CACNA2D1: variants seen among roughly 807,000 people sequenced by gnomAD.
CACNA2D1 encodes voltage-dependent calcium channel subunit alpha-2/delta-1.
In CACNA2D1, 53 loss-of-function variants were observed where a neutral mutation model predicts 171.5. That is an observed-to-expected ratio of 0.31 (90% CI 0.25 to 0.39). The LOEUF (loss-of-function observed/expected upper bound fraction) is 0.39, where lower values mean the gene tolerates loss of function less well. Ranked by LOEUF, CACNA2D1 falls within the 10% of genes least tolerant of loss-of-function variation. The pLI, the probability that CACNA2D1 is intolerant of heterozygous loss-of-function variation, is 1.00. For missense variants in CACNA2D1, 903 were observed against 1,299.8 expected, an observed-to-expected ratio of 0.69 and a Z score of 4.69; for synonymous variants, 442 against 443.1, an observed-to-expected ratio of 1.00 and a Z score of 0.03.
At chr7:82,222,911 T>TTTTG (rs1801943821) in intron 3 of CACNA2D1, among the ~76,000 whole-genome samples, 1 of 148,260 alleles carries the variant, frequency 6.7e-6, no homozygotes, top group African/African-American at 2.5e-5. Flanking sequence ...TTTTTTTTTT[T>TTTTG]GTTTGTTTGT....
intron 3 of CACNA2D1, among the ~76,000 whole-genome samples, chr7:82,177,453 A>G (rs1419675886): frequency 6.6e-6 from 1 of 152,146 alleles, no homozygotes; most frequent in Non-Finnish European, 1.5e-5. Flanking sequence ...TTATCTAAGA[A>G]GAAACCCATC....
intron 25 of CACNA2D1, among the ~76,000 whole-genome samples, chr7:81,973,891 T>C (rs1795559036): frequency 6.6e-6 from 1 of 152,000 alleles, no homozygotes; most frequent in Non-Finnish European, 1.5e-5. Context: ...AAAAACTAAT[T>C]ACTAATTTTC....
chr7:82,042,429 G>A (rs1804077793), intron 10 of CACNA2D1, among the ~76,000 whole-genome samples: 1 of 152,118 alleles, frequency 6.6e-6, no homozygotes, highest in Admixed American at 6.5e-5. Flanking sequence ...AGAGATTGAA[G>A]GAGCTCTGAT....
chr7:82,227,527 C>G (rs1802485311), intron 3 of CACNA2D1, among the ~76,000 whole-genome samples: 1 of 152,088 alleles, frequency 6.6e-6, no homozygotes, highest in Non-Finnish European at 1.5e-5. Flanking sequence ...GTAATAGTGA[C>G]TAGTTTGGAT....
In CACNA2D1 at chr7:81,994,834, TTTTA is replaced by T. The variant is rs1208950112; in HGVS notation, c.1734+30_1734+33del. On this transcript the variant is annotated intron_variant, in intron 20 of 38. Transcript: ENST00000356860. ...CAATATCAATTATTCTTGATATAAT[TTTTA>T]TTTAAGAATAAGCTAGAATCAATTC... 4.8e-6 allele frequency: 5 copies of T among 1,052,132 alleles called. No individual in the cohort carries two copies. The African/African-American group carries it at 7.9e-5, about 17-fold the overall frequency. 65.2% of individuals were successfully genotyped at this position (1,052,132 alleles called of 1,614,324 possible). A position where few individuals can be genotyped will look rare whatever the true frequency, so the allele number is the denominator to read the frequency against.
intron 1 of CACNA2D1, among the ~76,000 whole-genome samples, chr7:82,388,837 C>T (rs191586626): frequency 1.3e-5 from 2 of 151,946 alleles, no homozygotes; most frequent in Admixed American, 6.6e-5. Flanking sequence ...TAAGGTAGGC[C>T]GGGCACGGTG....
At chr7:82,411,291 G>C (rs1827621175) in intron 1 of CACNA2D1, among the ~76,000 whole-genome samples, 1 of 152,176 alleles carries the variant, frequency 6.6e-6, no homozygotes, top group Admixed American at 6.5e-5. Flanking sequence ...CTGAGTTATA[G>C]CCCTGCCCCA....
chr7:82,181,392 T>A (rs964042835), intron 3 of CACNA2D1, among the ~76,000 whole-genome samples: 1 of 152,214 alleles, frequency 6.6e-6, no homozygotes, highest in African/African-American at 2.4e-5. Flanking sequence ...AGAGTCACGA[T>A]GTCTTTAGAA....
chr7:82,221,015 A>G (rs1167666455), intron 3 of CACNA2D1, among the ~76,000 whole-genome samples: 1 of 152,144 alleles, frequency 6.6e-6, no homozygotes, highest in East Asian at 1.9e-4. Flanking sequence ...ACCTCGCATG[A>G]TCTGCCCACC....
intron 3 of CACNA2D1, among the ~76,000 whole-genome samples, chr7:82,239,813 C>G (rs1377950579): frequency 6.6e-6 from 1 of 152,074 alleles, no homozygotes; most frequent in Non-Finnish European, 1.5e-5. Flanking sequence ...ATTACCCTAT[C>G]TGCAGGGTCT....
chr7:82,432,644 G>A (rs1049032950), intron 1 of CACNA2D1, among the ~76,000 whole-genome samples: 5 of 152,134 alleles, frequency 3.3e-5, no homozygotes, highest in Non-Finnish European at 7.3e-5. Context: ...AATTCCAGTG[G>A]TTTTTTAATC....
chr7:82,366,684 G>A (rs543860331), intron 1 of CACNA2D1, among the ~76,000 whole-genome samples: 17 of 152,170 alleles, frequency 1.1e-4, no homozygotes, highest in Non-Finnish European at 2.1e-4. Flanking sequence ...ATGAACATAC[G>A]AGTGTATTTG....
chr7:82,108,846 T>C (rs950951860), intron 6 of CACNA2D1, among the ~76,000 whole-genome samples: 1 of 152,216 alleles, frequency 6.6e-6, no homozygotes, highest in African/African-American at 2.4e-5. Context: ...GCTTAAAATT[T>C]ATATTCTCTA....
chr7:81,955,253 T>C (rs1558371), intron 38 of CACNA2D1, among the ~76,000 whole-genome samples: 61,920 of 151,884 alleles, frequency 0.41, 12,776 homozygotes, highest in East Asian at 0.51. Flanking sequence ...TTGGAGATTA[T>C]ACTACCATTC....
chr7:81,959,449 G>C (rs577962716), intron 37 of CACNA2D1, 92 bp from the exon 38 acceptor site: 2 of 904,284 alleles, frequency 2.2e-6, no homozygotes, highest in African/African-American at 3.3e-5. Context: ...ACATGTGAGA[G>C]AGATAACTTA....
At chr7:81,953,576 T>C (rs1159938121) in intron 38 of CACNA2D1, among the ~76,000 whole-genome samples, 2 of 152,064 alleles carry the variant, frequency 1.3e-5, no homozygotes, top group Non-Finnish European at 2.9e-5. Context: ...AACAAATACT[T>C]TATATAAATG....
rs1792138886 is a variant in CACNA2D1, at chr7:81,947,600, G to C, written c.*2792C>G. 1 of 151,918 alleles carries C rather than the reference G, an allele frequency of 6.6e-6. No homozygotes were observed. Among genetic ancestry groups the C allele is most frequent in the South Asian group, 2.1e-4 (1 of 4,834 alleles). The allele number at this position is 151,918 out of a possible 1,614,324, so 9.4% of individuals were successfully genotyped here. On this transcript the variant is annotated 3_prime_UTR_variant, in exon 39 of 39. Coordinates refer to ENST00000356860, the MANE Select transcript of CACNA2D1 (RefSeq NM_000722.4). ...CCAAGCTCACTTGAACTCTGTTTTA[G>C]TGACTAACTACACTAAGCCACATGA...
At chr7:82,012,601 T>C (rs1799932417) in intron 14 of CACNA2D1, among the ~76,000 whole-genome samples, 2 of 152,160 alleles carry the variant, frequency 1.3e-5, no homozygotes, top group South Asian at 4.1e-4. Context: ...CTGCGTGGAA[T>C]TGCACAAATT....
intron 2 of CACNA2D1, chr7:82,343,312 C>T (rs1436304287): frequency 2.6e-5 from 4 of 152,158 alleles, no homozygotes; most frequent in African/African-American, 9.7e-5. Flanking sequence ...CACACTGCTA[C>T]TCGCCCTAGC....
Sources: gnomAD v4.1 joint callset for allele counts (sites outside exome capture counted in the v4.1 genomes callset) on GRCh38, gnomAD v4.1.1 for gene constraint, MANE v1.5 for transcripts, NCBI Gene and HGNC (gene_info 2026-07-23, HGNC 2026-07-21) for gene names.